SPTLC1: variants seen among roughly 807,000 people sequenced by gnomAD.
SPTLC1 encodes serine palmitoyltransferase long chain base subunit 1.
In SPTLC1, 55 loss-of-function variants were observed where a neutral mutation model predicts 68.9. The observed-to-expected ratio is 0.80, with a 90% CI of 0.64 to 1.00. SPTLC1 has a LOEUF of 1.00. Ranked by LOEUF, SPTLC1 falls within the 50% of genes least tolerant of loss-of-function variation. SPTLC1 has a pLI of 0.00. For missense variants in SPTLC1, 449 were observed against 573.1 expected (o/e 0.78, Z 2.21); for synonymous variants, 197 against 201.6 (o/e 0.98, Z 0.19).
intron 5 of SPTLC1, among the ~76,000 whole-genome samples, chr9:92,078,409 A>T (rs997404937): frequency 6.6e-6 from 1 of 152,196 alleles, no homozygotes. Context: ...ATATGAGCTT[A>T]TTTCTTCAAA....
intron 2 of SPTLC1, chr9:92,109,779 C>G (rs1486728221): frequency 6.6e-6 from 1 of 152,310 alleles, no homozygotes; most frequent in Non-Finnish European, 1.5e-5. Flanking sequence ...TCGAGACCAG[C>G]CTGACCAACA....
intron 2 of SPTLC1, chr9:92,110,880 A>C (rs1326796405): frequency 6.6e-6 from 1 of 152,242 alleles, no homozygotes; most frequent in African/African-American, 2.4e-5. Flanking sequence ...AAAAATTATT[A>C]TTCCAACAAT....
chr9:92,079,460 C>T, intron 5 of SPTLC1: 2 of 1,611,234 alleles, frequency 1.2e-6, no homozygotes, highest in Admixed American at 1.7e-5. Context: ...TCTTTGATGA[C>T]TCCCAGGGAA....
At chr9:92,075,468 C>T (rs1248097607) in intron 5 of SPTLC1, among the ~76,000 whole-genome samples, 3 of 152,180 alleles carry the variant, frequency 2.0e-5, no homozygotes, top group Non-Finnish European at 2.9e-5. Context: ...CCTACTCAAG[C>T]GCTTCCCGAC....
At chr9:92,100,551 C>T (rs549060145) in intron 3 of SPTLC1, among the ~76,000 whole-genome samples, 9 of 152,268 alleles carry the variant, frequency 5.9e-5, no homozygotes, top group African/African-American at 1.4e-4. Context: ...GCCATCAGTG[C>T]GCTCACCAAC....
chr9:92,060,743 T>TA (rs777447484), intron 6 of SPTLC1, among the ~76,000 whole-genome samples: 2,117 of 125,562 alleles, frequency 0.017, 37 homozygotes, highest in African/African-American at 0.045. Flanking sequence ...CATCTCTACT[T>TA]AAAAAAAAAA....
chr9:92,098,197 ACT>A (rs1316919083), intron 3 of SPTLC1, among the ~76,000 whole-genome samples: 2 of 152,042 alleles, frequency 1.3e-5, no homozygotes, highest in Non-Finnish European at 2.9e-5. Context: ...GGGTACCCTG[ACT>A]CAGCATTTCC....
chr9:92,053,934 G>A, intron 8 of SPTLC1: 2 of 983,792 alleles, frequency 2.0e-6, no homozygotes, highest in Non-Finnish European at 2.4e-6. Flanking sequence ...CTCAATAAAG[G>A]AAATCTCAAT....
At chr9:92,094,943 C>A (rs1005180737) in intron 3 of SPTLC1, among the ~76,000 whole-genome samples, 1 of 152,144 alleles carries the variant, frequency 6.6e-6, no homozygotes, top group Non-Finnish European at 1.5e-5. Flanking sequence ...GACAATGACT[C>A]ATCAGTGACT....
rs569069356 is a variant in SPTLC1 at position 92,115,329 on chromosome 9, T to A, written c.42A>T (p.Val14=). ...CGGAGCCCACCTCGTAAAGCGCCTG[T>A]ACCATCTCCACCAGAACCCACTGCT... ...ATEQWVLVEM[V]QALYEAPAYH... Residue 14 remains valine (V), a synonymous_variant, in exon 1 of 15, where the codon GTA becomes GTT. Transcript: ENST00000262554. 1 of 1,612,408 alleles carries A rather than the reference T, an allele frequency of 6.2e-7. No homozygotes were observed. The highest frequency in any genetic ancestry group is 1.7e-5 in the Admixed American group (1 of 60,028).
At chr9:92,085,850 T>C (rs1835102226) in intron 3 of SPTLC1, among the ~76,000 whole-genome samples, 2 of 151,444 alleles carry the variant, frequency 1.3e-5, no homozygotes, top group Admixed American at 1.3e-4. Flanking sequence ...GGTGTTAAAG[T>C]CTCCCATTAT....
At chr9:92,115,235 A>G in intron 1 of SPTLC1, 79 bp downstream of exon 1, 1 of 1,437,834 alleles carries the variant, frequency 7.0e-7, no homozygotes, top group Non-Finnish European at 9.8e-7. Flanking sequence ...CCGAGGTCTC[A>G]GGCCACAAAT....
At chr9:92,073,644 C>T (rs117444668) in intron 5 of SPTLC1, among the ~76,000 whole-genome samples, 3,655 of 152,258 alleles carry the variant, frequency 0.024, 59 homozygotes, top group Non-Finnish European at 0.038. Flanking sequence ...CATTTTATTA[C>T]CCAGTCAGCT....
At chr9:92,044,085 G>T (rs1211127410) in intron 12 of SPTLC1, among the ~76,000 whole-genome samples, 1 of 152,230 alleles carries the variant, frequency 6.6e-6, no homozygotes, top group East Asian at 1.9e-4. Flanking sequence ...TCTTCCAACT[G>T]TGGATACTGA....
At position 92,032,435 on chromosome 9, in the gene SPTLC1, T is replaced by C; in HGVS notation, c.*30A>G. 1 of 1,614,106 alleles carries C rather than the reference T, an allele frequency of 6.2e-7. No individual in the cohort carries two copies. The highest frequency in any genetic ancestry group is 8.5e-7 in the Non-Finnish European group (1 of 1,180,034). On this transcript the variant is annotated 3_prime_UTR_variant, in exon 15 of 15. Transcript: ENST00000262554. ...TCTTGAGTCCTCTCTGCGTGTTGTG[T>C]GGCAGGAGGCCATGGTCCCGGGACT...
In SPTLC1 at chr9:92,038,300, C is replaced by T; in HGVS notation, c.1202G>A (p.Ser401Asn). The T allele has an allele frequency of 6.2e-7, 1 of 1,614,204 alleles. No homozygotes were observed. Among genetic ancestry groups the T allele is most frequent in the African/African-American group, 1.3e-5 (1 of 75,064 alleles). Reference protein sequence around the residue: ...SPAFHLQLEESTGSREQDVRL... With the variant: ...SPAFHLQLEENTGSREQDVRL... ...GACATCTTGCTCGCGAGACCCAGTG[C>T]TCTCTTCCAGTTGTAGGTGAAAGGC... The change falls in exon 13 of 15, where the codon AGC becomes AAC. Residue 401 changes from serine (S) to asparagine (N), a missense_variant. Ser to Asn is a conservative substitution (Grantham distance 46, BLOSUM62 1). Around this residue, in one of 3 missense-constraint regions of SPTLC1, gnomAD observed 391 missense variants for 472.1 expected, o/e 0.83. Coordinates refer to ENST00000262554, the MANE Select transcript of SPTLC1 (RefSeq NM_006415.4).
chr9:92,046,719 T>C (rs1486342216), intron 11 of SPTLC1, among the ~76,000 whole-genome samples: 1 of 152,224 alleles, frequency 6.6e-6, no homozygotes, highest in African/African-American at 2.4e-5. Context: ...AGTTCTTTGC[T>C]GGTAAACCCG....
intron 3 of SPTLC1, among the ~76,000 whole-genome samples, chr9:92,098,425 T>C (rs1835621272): frequency 6.6e-6 from 1 of 152,156 alleles, no homozygotes; most frequent in Admixed American, 6.5e-5. Context: ...GTAAAGATTT[T>C]TGCCCTCTTT....
intron 3 of SPTLC1, chr9:92,108,095 A>G (rs1836073516): frequency 6.6e-6 from 1 of 152,388 alleles, no homozygotes; most frequent in African/African-American, 2.4e-5. Flanking sequence ...TGAATTAAAA[A>G]TAGCAAAATG....
Sources: gnomAD v4.1 joint callset for allele counts (sites outside exome capture counted in the v4.1 genomes callset) on GRCh38, gnomAD v4.1.1 for gene constraint, gnomAD v4.1.1 regional missense constraint, MANE v1.5 for transcripts, NCBI Gene and HGNC (gene_info 2026-07-23, HGNC 2026-07-21) for gene names.